Variants in JMJD1C observed in about 807,000 individuals in gnomAD.
JMJD1C encodes jumonji domain-containing protein 1C.
In JMJD1C, 31 loss-of-function variants were observed where a neutral mutation model predicts 245.3. That is an observed-to-expected ratio of 0.13 (90% CI 0.09 to 0.17). The LOEUF is 0.17. Among genes scored for constraint, JMJD1C ranks in the 10% least tolerant of loss-of-function variants. The probability of loss-of-function intolerance (pLI) is 1.00; values close to 1 mark genes in which losing one functional copy is unlikely to be tolerated. For missense variants in JMJD1C, 2,691 were observed against 3,000.2 expected (o/e 0.90, Z 2.41); for synonymous variants, 1,057 against 1,017.4 (o/e 1.04, Z -0.74).
intron 1 of JMJD1C, among the ~76,000 whole-genome samples, chr10:63,386,699 C>A (rs1947624121): frequency 6.6e-6 from 1 of 152,214 alleles, no homozygotes; most frequent in Admixed American, 6.5e-5. Flanking sequence ...GTCACAACCT[C>A]TGCCAACACC....
At chr10:63,338,009 TGA>T (rs1221391022) in intron 2 of JMJD1C, among the ~76,000 whole-genome samples, 1 of 152,234 alleles carries the variant, frequency 6.6e-6, no homozygotes, top group Non-Finnish European at 1.5e-5. Flanking sequence ...TAAAGAAAGC[TGA>T]GAGTAAAACC....
At chr10:63,349,912 T>A (rs1288378439) in intron 2 of JMJD1C, among the ~76,000 whole-genome samples, 2 of 152,164 alleles carry the variant, frequency 1.3e-5, no homozygotes, top group Non-Finnish European at 2.9e-5. Flanking sequence ...AGTATCTACA[T>A]AAATTTTTTA....
chr10:63,453,315 T>C (rs1390247433), intron 1 of JMJD1C, among the ~76,000 whole-genome samples: 1 of 152,174 alleles, frequency 6.6e-6, no homozygotes, highest in African/African-American at 2.4e-5. Context: ...GTAAGTTTTG[T>C]TACATATATT....
intron 1 of JMJD1C, among the ~76,000 whole-genome samples, chr10:63,422,800 G>A (rs1158436047): frequency 6.6e-6 from 1 of 152,128 alleles, no homozygotes; most frequent in Non-Finnish European, 1.5e-5. Flanking sequence ...CCATACTAAC[G>A]AGAGGGCAGT....
At chr10:63,420,855 CAAA>C in intron 1 of JMJD1C, among the ~76,000 whole-genome samples, 1 of 115,196 alleles carries the variant, frequency 8.7e-6, no homozygotes, top group African/African-American at 7.0e-5. Context: ...CAGAAAACAA[CAAA>C]GTACAAAACA....
intron 10 of JMJD1C, chr10:63,204,664 A>C: frequency 1.0e-6 from 1 of 985,376 alleles, no homozygotes; most frequent in Non-Finnish European, 1.2e-6. Flanking sequence ...ACTGTATATA[A>C]TCCAATATTC....
At chr10:63,308,334 G>A (rs1938588629) in intron 2 of JMJD1C, among the ~76,000 whole-genome samples, 1 of 152,106 alleles carries the variant, frequency 6.6e-6, no homozygotes, top group African/African-American at 2.4e-5. Flanking sequence ...CAAAATTCTA[G>A]TATACTGGAG....
chr10:63,242,700 T>C (rs972720581), intron 3 of JMJD1C, among the ~76,000 whole-genome samples: 1 of 152,216 alleles, frequency 6.6e-6, no homozygotes, highest in African/African-American at 2.4e-5. Context: ...CACTCCAGCC[T>C]GGGCAACAGA....
chr10:63,447,931 T>C (rs1239009978), intron 1 of JMJD1C, among the ~76,000 whole-genome samples: 1 of 151,770 alleles, frequency 6.6e-6, no homozygotes, highest in Non-Finnish European at 1.5e-5. Context: ...GGAGCAAGAC[T>C]CTGTCTCCAA....
chr10:63,273,187 A>C lies in JMJD1C; in HGVS notation c.334-8423T>G, dbSNP rs542133703. Among the ~76,000 whole-genome samples the C allele has an allele frequency of 2.2e-4, 34 of 152,336 alleles. No individual in the cohort carries two copies. In the Middle Eastern group the frequency reaches 0.01, roughly 46 times the overall value. On this transcript the variant is annotated intron_variant, in intron 2 of 25. Coordinates refer to ENST00000399262, the MANE Select transcript of JMJD1C (RefSeq NM_032776.3). ...TAATGAATGCCTTTTAAATATTTAAAATGGGCTTGACATACATATATTTAG... is the reference window on the plus strand; with the variant it reads ...TAATGAATGCCTTTTAAATATTTAACATGGGCTTGACATACATATATTTAG...
At chr10:63,389,662 TCAA>T (rs1353334020) in intron 1 of JMJD1C, among the ~76,000 whole-genome samples, 1 of 151,980 alleles carries the variant, frequency 6.6e-6, no homozygotes, top group East Asian at 1.9e-4. Flanking sequence ...AAATAGAGTC[TCAA>T]CAAATTTTTA....
rs535874761 is a variant in JMJD1C, at chr10:63,369,145, TTCTC to T, written c.333+11169_333+11172del. Among the ~76,000 whole-genome samples, 543 of 151,976 alleles carry T rather than the reference TTCTC, an allele frequency of 3.6e-3. 2 individuals are homozygous for T. The highest frequency in any genetic ancestry group is 0.011 in the African/African-American group (476 of 41,456). ...CCTTTTCTTCCTGTTTTCTTTCTCT[TTCTC>T]TCTCTCTTTTCTTCTCCTCTTCTCG... On this transcript the variant is annotated intron_variant, in intron 2 of 25. Coordinates refer to ENST00000399262, the MANE Select transcript of JMJD1C (RefSeq NM_032776.3).
At chr10:63,298,434 T>C (rs1859685195) in intron 2 of JMJD1C, among the ~76,000 whole-genome samples, 3 of 152,186 alleles carry the variant, frequency 2.0e-5, no homozygotes, top group Admixed American at 6.5e-5. Context: ...CCTTTTGCAA[T>C]CCTGAGCTTG....
chr10:63,372,865 G>A (rs886447986), intron 2 of JMJD1C: 3 of 168,288 alleles, frequency 1.8e-5, no homozygotes, highest in African/African-American at 7.2e-5. Flanking sequence ...GCACAGGATG[G>A]TTATATAGGA....
At chr10:63,257,381 C>A (rs1854117447) in intron 3 of JMJD1C, among the ~76,000 whole-genome samples, 1 of 152,122 alleles carries the variant, frequency 6.6e-6, no homozygotes, top group Non-Finnish European at 1.5e-5. Context: ...TTAAGATAAA[C>A]CTAGCTTTAG....
At chr10:63,489,212 CA>C (rs1409629704) in intron 1 of JMJD1C, among the ~76,000 whole-genome samples, 1 of 152,060 alleles carries the variant, frequency 6.6e-6, no homozygotes, top group Non-Finnish European at 1.5e-5. Context: ...CCTGCCTGGC[CA>C]AAATGGCGAT....
intron 3 of JMJD1C, among the ~76,000 whole-genome samples, chr10:63,254,027 A>C (rs1853488855): frequency 6.6e-6 from 1 of 152,204 alleles, no homozygotes; most frequent in Non-Finnish European, 1.5e-5. Flanking sequence ...ATGACTAAGG[A>C]CCAGTACTGT....
At chr10:63,389,894 T>C (rs181760276) in intron 1 of JMJD1C, among the ~76,000 whole-genome samples, 31 of 152,206 alleles carry the variant, frequency 2.0e-4, no homozygotes, top group Admixed American at 1.5e-3. Context: ...TTTAATAAAG[T>C]AGTGCTAAGA....
intron 1 of JMJD1C, among the ~76,000 whole-genome samples, chr10:63,471,936 G>C (rs962502792): frequency 6.6e-6 from 1 of 152,150 alleles, no homozygotes; most frequent in African/African-American, 2.4e-5. Context: ...TACTCGGGAG[G>C]CTAAGGGAGG....
Sources: allele counts gnomAD v4.1 joint callset (sites outside exome capture counted in the v4.1 genomes callset), GRCh38; gene constraint gnomAD v4.1.1; transcripts MANE v1.5; gene names NCBI Gene and HGNC (gene_info 2026-07-23, HGNC 2026-07-21).